Variants in PDE4D observed in about 807,000 individuals in gnomAD.
The protein encoded by PDE4D is phosphodiesterase 4D, also known as 3',5'-cyclic-AMP phosphodiesterase 4D.
In PDE4D, 24 loss-of-function variants were observed where a neutral mutation model predicts 87.4. The ratio of observed to expected loss-of-function variants is 0.27; its 90% CI spans 0.20 to 0.39. The LOEUF is 0.39. Ranked by LOEUF, PDE4D falls within the 10% of genes least tolerant of loss-of-function variation. The pLI is 1.00. For missense variants in PDE4D, 714 were observed against 1,041.0 expected (o/e 0.69, Z 4.32); for synonymous variants, 384 against 383.2 (o/e 1.00, Z -0.02).
At chr5:60,034,069 T>G (rs539618856) in intron 2 of PDE4D, among the ~76,000 whole-genome samples, 2 of 152,178 alleles carry the variant, frequency 1.3e-5, no homozygotes, top group Non-Finnish European at 2.9e-5. Flanking sequence ...AGCAGGAATT[T>G]GCTGAGTAGA....
chr5:58,998,565 C>G (rs1164998971), intron 6 of PDE4D, among the ~76,000 whole-genome samples: 1 of 152,004 alleles, frequency 6.6e-6, no homozygotes, highest in African/African-American at 2.4e-5. Context: ...CTTGGACAAC[C>G]AAGACTGAAA....
intron 1 of PDE4D, among the ~76,000 whole-genome samples, chr5:59,746,243 A>C (rs1452431847): frequency 3.2e-4 from 49 of 152,116 alleles, no homozygotes; most frequent in Non-Finnish European, 4.4e-5. Flanking sequence ...GCAATTTCCC[A>C]ATTGTTTTTC....
At chr5:59,575,071 G>A (rs970636636) in intron 1 of PDE4D, among the ~76,000 whole-genome samples, 4 of 152,152 alleles carry the variant, frequency 2.6e-5, no homozygotes, top group African/African-American at 7.2e-5. Context: ...TTTCTACAAT[G>A]AGACTAGAAA....
chr5:59,848,726 A>T (rs1032397030), intron 1 of PDE4D, among the ~76,000 whole-genome samples: 2 of 152,062 alleles, frequency 1.3e-5, no homozygotes, highest in Admixed American at 1.3e-4. Context: ...AAGTATTTTT[A>T]AAAGAAGATA....
intron 1 of PDE4D, among the ~76,000 whole-genome samples, chr5:60,223,597 A>C (rs536528660): frequency 1.3e-5 from 2 of 152,236 alleles, no homozygotes; most frequent in African/African-American, 4.8e-5. Context: ...GCATGAGTAC[A>C]TACTGGAGCA....
intron 1 of PDE4D, among the ~76,000 whole-genome samples, chr5:59,308,841 G>T (rs1233893425): frequency 6.6e-6 from 1 of 151,936 alleles, no homozygotes; most frequent in Non-Finnish European, 1.5e-5. Flanking sequence ...CCACTCCCAG[G>T]GTAGATAGGG....
chr5:60,380,743 A>G (rs1450114092), intron 1 of PDE4D, among the ~76,000 whole-genome samples: 1 of 152,238 alleles, frequency 6.6e-6, no homozygotes, highest in Non-Finnish European at 1.5e-5. Context: ...GCTAAACATA[A>G]GAAGTGATAT....
intron 1 of PDE4D, among the ~76,000 whole-genome samples, chr5:59,417,601 A>G (rs1793823561): frequency 6.6e-6 from 1 of 152,114 alleles, no homozygotes; most frequent in Non-Finnish European, 1.5e-5. Context: ...GCTCATGGCT[A>G]ACTTTCACTG....
chr5:59,876,189 G>A (rs907257011), intron 1 of PDE4D, among the ~76,000 whole-genome samples: 3 of 152,140 alleles, frequency 2.0e-5, no homozygotes, highest in Admixed American at 6.5e-5. Flanking sequence ...CTAGAGAAAA[G>A]GGTATATTTT....
intron 1 of PDE4D, among the ~76,000 whole-genome samples, chr5:59,719,677 T>A (rs1055134439): frequency 6.6e-6 from 1 of 152,186 alleles, no homozygotes; most frequent in African/African-American, 2.4e-5. Flanking sequence ...ATTACAATAT[T>A]ATTTAAGTAG....
In PDE4D at chr5:59,997,810, C is replaced by T. The variant is rs543712779; in HGVS notation, c.43-9093G>A. Among the ~76,000 whole-genome samples the T allele has an allele frequency of 7.9e-5, 12 of 152,244 alleles. No individual in the cohort carries two copies. The South Asian group carries it at 2.5e-3, about 32-fold the overall frequency. Reference sequence around the variant, plus strand: ...AAACTTAGTAATATTTATTGTATTACATATATTGTATAGGTAGCTACTTGA... The same window carrying T: ...AAACTTAGTAATATTTATTGTATTATATATATTGTATAGGTAGCTACTTGA... On this transcript the variant is annotated intron_variant, in intron 2 of 16. Transcript: ENST00000502484.
At chr5:59,681,522 AT>A (rs1040213472) in intron 1 of PDE4D, among the ~76,000 whole-genome samples, 1 of 152,208 alleles carries the variant, frequency 6.6e-6, no homozygotes, top group African/African-American at 2.4e-5. Flanking sequence ...GAGTTGGGAC[AT>A]TTAAGAGATG....
intron 1 of PDE4D, among the ~76,000 whole-genome samples, chr5:60,205,566 T>C (rs933952372): frequency 2.6e-5 from 4 of 152,026 alleles, no homozygotes; most frequent in African/African-American, 9.7e-5. Flanking sequence ...CTCCCCAACC[T>C]TCAGAACACT....
intron 1 of PDE4D, among the ~76,000 whole-genome samples, chr5:59,425,551 C>A (rs1582538581): frequency 6.6e-6 from 1 of 152,062 alleles, no homozygotes. Flanking sequence ...AATCACTACA[C>A]CCCTCAATAA....
chr5:60,430,157 G>A (rs909050006), intron 1 of PDE4D: 20 of 524,192 alleles, frequency 3.8e-5, no homozygotes, highest in East Asian at 1.6e-4. Flanking sequence ...TGAGGGGCAC[G>A]CTTCTTGAAG....
chr5:60,460,077 AC>A (rs1396638823), intron 1 of PDE4D: 1 of 1,602,034 alleles, frequency 6.2e-7, no homozygotes, highest in East Asian at 2.2e-5. Context: ...ACTCATCAGC[AC>A]CTGCATCAGA....
intron 1 of PDE4D, among the ~76,000 whole-genome samples, chr5:59,618,341 G>T (rs1316559934): frequency 6.6e-6 from 1 of 152,122 alleles, no homozygotes; most frequent in Non-Finnish European, 1.5e-5. Flanking sequence ...GAGGAAGAGG[G>T]TGTTCTAGGC....
chr5:60,254,239 C>T (rs112663320), intron 1 of PDE4D, among the ~76,000 whole-genome samples: 2,067 of 152,000 alleles, frequency 0.014, 23 homozygotes, highest in Middle Eastern at 0.034. Context: ...GAGATGTTCA[C>T]ATTATACCAA....
At chr5:59,262,256 A>T (rs1203489445) in intron 1 of PDE4D, among the ~76,000 whole-genome samples, 7 of 151,950 alleles carry the variant, frequency 4.6e-5, no homozygotes, top group Admixed American at 4.6e-4. Context: ...ACACTTAAAT[A>T]AAGCAATAAA....
Sources: gnomAD v4.1 joint callset for allele counts (sites outside exome capture counted in the v4.1 genomes callset) on GRCh38, gnomAD v4.1.1 for gene constraint, MANE v1.5 for transcripts, NCBI Gene and HGNC (gene_info 2026-07-23, HGNC 2026-07-21) for gene names.